Variants in ARAP3 observed in about 807,000 individuals in gnomAD.
ARAP3 encodes the protein arf-GAP with Rho-GAP domain, ANK repeat and PH domain-containing protein 3.
ARAP3 carries 82 observed loss-of-function variants against 169.2 expected under a neutral mutation model. The ratio of observed to expected loss-of-function variants is 0.48; its 90% CI spans 0.41 to 0.58. The LOEUF is 0.58. Ranked by LOEUF, ARAP3 falls within the 20% of genes least tolerant of loss-of-function variation. The pLI, the probability that ARAP3 is intolerant of heterozygous loss-of-function variation, is 0.00. For missense variants in ARAP3, 1,764 were observed against 2,018.0 expected (o/e 0.87, Z 2.41); for synonymous variants, 791 against 800.3 (o/e 0.99, Z 0.20).
At position 141,677,765 on chromosome 5, in the gene ARAP3, T is replaced by G. The variant is rs562435408; in HGVS notation, c.698+1780A>C. 7.7e-5 allele frequency among the ~76,000 whole-genome samples: 11 copies of G among 143,124 alleles called. No homozygotes were observed. The East Asian group carries it at 1.9e-3, about 25-fold the overall frequency. The allele number at this position is 143,124 out of a possible 152,430, so 93.9% of individuals were successfully genotyped here. On this transcript the variant is annotated intron_variant, in intron 4 of 32. Coordinates refer to ENST00000239440, the MANE Select transcript of ARAP3 (RefSeq NM_022481.6). The stretch of plus-strand genomic sequence containing the variant: ...TTTTTGTTTTTTTGGTTTTGTTTTG[T>G]TTTTTGTTTTTGTTTTTTTTGTTTT...
chr5:141,671,187 G>T lies in ARAP3; in HGVS notation c.1990+78C>A. 1 of 1,523,954 alleles carries T rather than the reference G, an allele frequency of 6.6e-7. No homozygotes were observed. The highest frequency in any genetic ancestry group is 8.8e-7 in the Non-Finnish European group (1 of 1,133,262). 94.4% of individuals were successfully genotyped at this position (1,523,954 alleles called of 1,614,324 possible). On this transcript the variant is annotated intron_variant, in intron 13 of 32. Transcript: ENST00000239440. This position sits in a 1 kb window ranked among gnomAD's most constrained non-coding sequence, Gnocchi z 4.9. Reference sequence around the variant, plus strand: ...TGGGCCATTGTGATCAGCTAATTGGGGCCCCTTGGAAGAACTGAATCATAG... The same window carrying T: ...TGGGCCATTGTGATCAGCTAATTGGTGCCCCTTGGAAGAACTGAATCATAG...
Position 141,653,891 on chromosome 5 carries a change from C to T in ARAP3, c.*59G>A. On this transcript the variant is annotated 3_prime_UTR_variant, in exon 33 of 33. Transcript: ENST00000239440. Reference sequence around the variant, plus strand: ...CAGGGCAGAGGAAGCTGCAACAGTGCCACGATAAGAGTTTCTGGGTCTTCT... The same window carrying T: ...CAGGGCAGAGGAAGCTGCAACAGTGTCACGATAAGAGTTTCTGGGTCTTCT... The T allele has an allele frequency of 6.6e-7, 1 of 1,504,274 alleles. No homozygotes were observed. Among genetic ancestry groups the T allele is most frequent in the Non-Finnish European group, 8.9e-7 (1 of 1,128,256 alleles). The allele number at this position is 1,504,274 out of a possible 1,614,324, so 93.2% of individuals were successfully genotyped here.
In ARAP3 at chr5:141,656,564, G is replaced by A; in HGVS notation, c.3729C>T (p.Arg1243=). 6.2e-7 allele frequency: 1 copy of A among 1,613,038 alleles called. No individual in the cohort carries two copies. The highest frequency in any genetic ancestry group is 8.5e-7 in the Non-Finnish European group (1 of 1,179,542). Residue 1243 remains arginine (R), a synonymous_variant, in exon 27 of 33, where the codon CGC becomes CGT. Coordinates refer to ENST00000239440, the MANE Select transcript of ARAP3 (RefSeq NM_022481.6). ...GCAGCAGAAAGAACCTCTCCTGGAA[G>A]CGGCTTCCCAGCAAGCGAGGTGGCT... is the stretch of plus-strand genomic sequence containing the variant. ...REEPPRLLGS[R]FQERFFLLRG... is the part of the protein sequence containing the mutation.
intron 29 of ARAP3, 32 bp downstream of exon 29, chr5:141,656,032 C>T: frequency 6.2e-7 from 1 of 1,613,932 alleles, no homozygotes; most frequent in Non-Finnish European, 8.5e-7. Flanking sequence ...CAGAGGTGGG[C>T]CAGAGGAGAA....
chr5:141,663,195 C>T (rs1204830591), intron 19 of ARAP3, among the ~76,000 whole-genome samples: 4 of 152,164 alleles, frequency 2.6e-5, no homozygotes, highest in Non-Finnish European at 4.4e-5. Context: ...ACCCTGCTTA[C>T]TGCCATATCC....
In ARAP3 at chr5:141,661,768, C is replaced by T. The variant is rs759873437; in HGVS notation, c.3035G>A (p.Arg1012His). 3 of 1,614,172 alleles carry T rather than the reference C, an allele frequency of 1.9e-6. No homozygotes were observed. Among genetic ancestry groups the T allele is most frequent in the East Asian group, 2.2e-5 (1 of 44,884 alleles). Residue 1012 changes from arginine to histidine, a missense_variant, in exon 21 of 33, where the codon CGC (arginine) becomes CAC (histidine). Arg to His is a conservative substitution (Grantham distance 29, BLOSUM62 0). Around this residue, in one of 3 missense-constraint regions of ARAP3, gnomAD observed 1,112 missense variants for 1,285.7 expected, o/e 0.86. Transcript: ENST00000239440. ...EAAELPQKNQ[R>H]LEKYKDVIGC... ...AATCACATCTTTATATTTCTCCAGG[C>T]GCTGATTCTTCTGGGGCAGCTCTGG...
In ARAP3 at chr5:141,671,674, C is replaced by G. The variant is rs761540433; in HGVS notation, c.1750G>C (p.Asp584His). Reference protein sequence around the residue: ...TLPPGEGLHPDATPGPRGEFI... With the variant: ...TLPPGEGLHPHATPGPRGEFI... Reference sequence around the variant, plus strand: ...TCTCCCCGGGGGCCAGGGGTCGCATCTGGATGTAGTCCCTCACCTGGGGGT... The same window carrying G: ...TCTCCCCGGGGGCCAGGGGTCGCATGTGGATGTAGTCCCTCACCTGGGGGT... Residue 584 changes from aspartate (D) to histidine (H), a missense_variant, in exon 12 of 33, where the codon GAT (aspartate) becomes CAT (histidine). Physicochemically the swap from Asp to His is moderately conservative, Grantham distance 81. Around this residue, in one of 3 missense-constraint regions of ARAP3, gnomAD observed 1,112 missense variants for 1,285.7 expected, o/e 0.86. Transcript: ENST00000239440. This position sits in a 1 kb window ranked among gnomAD's most constrained non-coding sequence, Gnocchi z 4.9. The G allele has an allele frequency of 6.2e-7, 1 of 1,613,636 alleles. No individual in the cohort carries two copies. Among genetic ancestry groups the G allele is most frequent in the East Asian group, 2.2e-5 (1 of 44,882 alleles).
rs79144175 is a variant in ARAP3 at position 141,672,029 on chromosome 5, T to C, written c.1586-49A>G. 1.0e-3 allele frequency: 1,679 copies of C among 1,613,846 alleles called. 23 individuals are homozygous for C. In the African/African-American group the frequency reaches 0.018, roughly 17 times the overall value. Reference sequence around the variant, plus strand: ...AGGGTGTGTGAGGGTGTGAGGGGCATGTGGCACGGGTACCCTGAGCCCTCT... The same window carrying C: ...AGGGTGTGTGAGGGTGTGAGGGGCACGTGGCACGGGTACCCTGAGCCCTCT... On this transcript the variant is annotated intron_variant, in intron 10 of 32. Coordinates refer to ENST00000239440, the MANE Select transcript of ARAP3 (RefSeq NM_022481.6). The surrounding 1 kb of genome is among the most constrained non-coding windows in gnomAD (Gnocchi z 4.9).
Position 141,671,565 on chromosome 5 carries a change from C to T in ARAP3, c.1854+5G>A. 1.2e-6 allele frequency: 2 copies of T among 1,613,920 alleles called. No individual in the cohort carries two copies. Among genetic ancestry groups the T allele is most frequent in the Non-Finnish European group, 1.7e-6 (2 of 1,179,904 alleles). ...CCCAGATCACCCCTGCTCTGTCCCT[C>T]CTACCTGGAGAAGCTGGCTATGATC... On this transcript the variant is annotated splice_donor_5th_base_variant and intron_variant, in intron 12 of 32. Transcript: ENST00000239440. The surrounding 1 kb of genome is among the most constrained non-coding windows in gnomAD (Gnocchi z 4.9).
Position 141,672,280 on chromosome 5 carries a change from A to G in ARAP3, c.1407T>C (p.Gly469=), listed in dbSNP as rs1562420387. 10 of 1,613,730 alleles carry G rather than the reference A, an allele frequency of 6.2e-6. No individual in the cohort carries two copies. Among genetic ancestry groups the G allele is most frequent in the Non-Finnish European group, 8.5e-6 (10 of 1,179,940 alleles). ...GAGCGGCCGCCCAGCTCTGCCGAGC[A>G]CCCCCAGACTCGGCTGTGAAGCTGA... ...RCFSFTAESG[G]ARQSWAAALQ... Residue 469 remains glycine (G), a synonymous_variant, in exon 10 of 33, where the codon GGT becomes GGC. Transcript: ENST00000239440. The surrounding 1 kb of genome is among the most constrained non-coding windows in gnomAD (Gnocchi z 4.9).
Position 141,658,425 on chromosome 5 carries a change from C to G in ARAP3, c.3466G>C (p.Gly1156Arg), listed in dbSNP as rs1162486033. The G allele has an allele frequency of 6.2e-7, 1 of 1,614,030 alleles. No homozygotes were observed. Among genetic ancestry groups the G allele is most frequent in the Non-Finnish European group, 8.5e-7 (1 of 1,180,050 alleles). Reference sequence around the variant, plus strand: ...CACAAGTCCATCCCAGCTGCTGTCCCCCGCATCTCCAGTACCTGGTTAGTC... The same window carrying G: ...CACAAGTCCATCCCAGCTGCTGTCCGCCGCATCTCCAGTACCTGGTTAGTC... ...ELTNQVLEMRGTAAGMDLWVT... is the reference protein window; with the variant it reads ...ELTNQVLEMRRTAAGMDLWVT... The change falls in exon 25 of 33, where the codon GGG (glycine) becomes CGG (arginine). Residue 1156 changes from glycine to arginine, a missense_variant. Gly to Arg is a moderately radical substitution (Grantham distance 125). This residue lies in a region of ARAP3 where 1,112 missense variants were observed against 1,285.7 expected (regional missense o/e 0.86). Transcript: ENST00000239440.
Position 141,656,276 on chromosome 5 carries a change from T to G in ARAP3, c.3790A>C (p.Ser1264Arg). 1 of 1,614,034 alleles carries G rather than the reference T, an allele frequency of 6.2e-7. No individual in the cohort carries two copies. Among genetic ancestry groups the G allele is most frequent in the East Asian group, 2.2e-5 (1 of 44,872 alleles). Residue 1264 changes from serine (S) to arginine (R), a missense_variant and splice_region_variant, in exon 28 of 33, where the codon AGC (serine) becomes CGC (arginine). Around this residue, in one of 3 missense-constraint regions of ARAP3, gnomAD observed 1,112 missense variants for 1,285.7 expected, o/e 0.86. Transcript: ENST00000239440. ...RCLLLLKEKK[S>R]SKPEREWPLE... ...GGCCACTCCCGTTCTGGTTTAGAGC[T>G]CTGAGAACAGAAACAGAGTCAGCGA... is the stretch of plus-strand genomic sequence containing the variant.
intron 23 of ARAP3, among the ~76,000 whole-genome samples, 155 bp downstream of exon 23, chr5:141,659,253 C>T (rs1267042980): frequency 6.6e-6 from 1 of 152,148 alleles, no homozygotes; most frequent in African/African-American, 2.4e-5. Context: ...CTCCCCAAAG[C>T]ACTTCTCTCA....
At position 141,671,152 on chromosome 5, in the gene ARAP3, C is replaced by A. The variant is rs1415476573; in HGVS notation, c.1990+113G>T. The A allele has an allele frequency of 3.6e-6, 5 of 1,404,248 alleles. No homozygotes were observed. The highest frequency in any genetic ancestry group is 4.8e-6 in the Non-Finnish European group (5 of 1,032,424). The allele number at this position is 1,404,248 out of a possible 1,614,324, so 87.0% of individuals were successfully genotyped here. On this transcript the variant is annotated intron_variant, in intron 13 of 32. Coordinates refer to ENST00000239440, the MANE Select transcript of ARAP3 (RefSeq NM_022481.6). The surrounding 1 kb of genome is among the most constrained non-coding windows in gnomAD (Gnocchi z 4.9). ...CTGGAGGATCTGAGGGTTTGGGAAA[C>A]TGCCCAGGCTGGGCCATTGTGATCA...
In ARAP3 at chr5:141,680,675, T is replaced by C. The variant is rs1007440194; in HGVS notation, c.-17-172A>G. On this transcript the variant is annotated intron_variant, in intron 1 of 32. Coordinates refer to ENST00000239440, the MANE Select transcript of ARAP3 (RefSeq NM_022481.6). ...TCCCAGAACAACAGCAATGGCTCTC[T>C]ACTTAGGGAAGGGACTTCATTTGAA... 8.6e-6 allele frequency: 9 copies of C among 1,041,584 alleles called. No homozygotes were observed. In the African/African-American group the frequency reaches 1.4e-4, roughly 17 times the overall value. The allele number at this position is 1,041,584 out of a possible 1,614,324, so 64.5% of individuals were successfully genotyped here.
intron 1 of ARAP3, among the ~76,000 whole-genome samples, chr5:141,681,962 G>C (rs1231905097): frequency 1.3e-5 from 2 of 151,800 alleles, no homozygotes; most frequent in Non-Finnish European, 2.9e-5. Context: ...GGCGGGGGCG[G>C]GGCGGGCAGT....
chr5:141,662,630 T>C (rs1006718448), intron 19 of ARAP3, among the ~76,000 whole-genome samples: 1 of 152,232 alleles, frequency 6.6e-6, no homozygotes, highest in Non-Finnish European at 1.5e-5. Context: ...GGCATTTTCA[T>C]CATCATTTAT....
In ARAP3 at chr5:141,680,057, C is replaced by G. The variant is rs1361937401; in HGVS notation, c.430G>C (p.Glu144Gln). Reference sequence around the variant, plus strand: ...ACAGTATTTAGGGCTGAAGACTGCTCAGAGGAGGAAGTGGGGAGAGGAGGA... The same window carrying G: ...ACAGTATTTAGGGCTGAAGACTGCTGAGAGGAGGAAGTGGGGAGAGGAGGA... ...RPPPLPTSSS[E>Q]QSSALNTVEM... Residue 144 changes from glutamate to glutamine, a missense_variant, in exon 2 of 33, where the codon GAG becomes CAG. Around this residue, in one of 3 missense-constraint regions of ARAP3, gnomAD observed 630 missense variants for 678.7 expected, o/e 0.93. Coordinates refer to ENST00000239440, the MANE Select transcript of ARAP3 (RefSeq NM_022481.6). 1 of 1,614,034 alleles carries G rather than the reference C, an allele frequency of 6.2e-7. No homozygotes were observed. Among genetic ancestry groups the G allele is most frequent in the African/African-American group, 1.3e-5 (1 of 74,924 alleles).
intron 16 of ARAP3, among the ~76,000 whole-genome samples, chr5:141,668,133 A>G (rs2099910918): frequency 6.6e-6 from 1 of 150,812 alleles, no homozygotes; most frequent in Non-Finnish European, 1.5e-5. Flanking sequence ...TTTTTTTTTG[A>G]GACAGGGCCT....
Sources: gnomAD v4.1 joint callset for allele counts (sites outside exome capture counted in the v4.1 genomes callset) on GRCh38, gnomAD v4.1.1 for gene constraint, gnomAD v4.1.1 regional missense constraint, Gnocchi (gnomAD v3.1) non-coding constraint, MANE v1.5 for transcripts, NCBI Gene and HGNC (gene_info 2026-07-23, HGNC 2026-07-21) for gene names.